PLCB1: variants seen among roughly 807,000 people sequenced by gnomAD.
PLCB1 encodes 1-phosphatidylinositol 4,5-bisphosphate phosphodiesterase beta-1.
A neutral mutation model predicts 161.8 loss-of-function variants in PLCB1; 46 were observed. That is an observed-to-expected ratio of 0.28 (90% CI 0.22 to 0.36). The LOEUF (loss-of-function observed/expected upper bound fraction) is 0.36, where lower values mean the gene tolerates loss of function less well. PLCB1 is among the 10% of genes least tolerant of loss of function. PLCB1 has a pLI of 1.00. For missense variants in PLCB1, 1,016 were observed against 1,472.5 expected, an observed-to-expected ratio of 0.69 and a Z score of 5.07; for synonymous variants, 517 against 503.7, an observed-to-expected ratio of 1.03 and a Z score of -0.35.
chr20:8,332,618 G>A (rs1985408963), intron 2 of PLCB1, among the ~76,000 whole-genome samples: 1 of 152,160 alleles, frequency 6.6e-6, no homozygotes, highest in African/African-American at 2.4e-5. Flanking sequence ...TGACTTGCCT[G>A]AGATTACACG....
Position 8,757,319 on chromosome 20 carries a change from G to A in PLCB1, c.2656+141G>A, listed in dbSNP as rs189275701. 21 of 776,674 alleles carry A rather than the reference G, an allele frequency of 2.7e-5. No homozygotes were observed. The Admixed American group carries it at 6.0e-4, about 22-fold the overall frequency. 48.1% of individuals were successfully genotyped at this position (776,674 alleles called of 1,614,324 possible). On this transcript the variant is annotated intron_variant, in intron 24 of 31. Coordinates refer to ENST00000338037, the MANE Select transcript of PLCB1 (RefSeq NM_015192.4). The stretch of plus-strand genomic sequence containing the variant: ...GACTTAGGAGGAGCTCCGTCAATGT[G>A]CAATTAATGAATGAAAGCCAGAAGA...
chr20:8,505,069 C>G (rs1041990049), intron 3 of PLCB1, among the ~76,000 whole-genome samples: 1 of 152,074 alleles, frequency 6.6e-6, no homozygotes, highest in South Asian at 2.1e-4. Context: ...GCTATGTTGT[C>G]CAGGATGGTC....
chr20:8,491,902 G>A (rs1394045560), intron 3 of PLCB1, among the ~76,000 whole-genome samples: 1 of 151,976 alleles, frequency 6.6e-6, no homozygotes, highest in Non-Finnish European at 1.5e-5. Flanking sequence ...TCTTAAAAAC[G>A]GTTGTTTTGT....
intron 9 of PLCB1, among the ~76,000 whole-genome samples, chr20:8,683,152 AAATTATATATAT>A (rs1388122688): frequency 6.6e-6 from 1 of 151,934 alleles, no homozygotes; most frequent in African/African-American, 2.4e-5. Context: ...AAAGGTTACT[AAATTATATATAT>A]AATTATATGT....
At chr20:8,501,193 G>A (rs989586271) in intron 3 of PLCB1, among the ~76,000 whole-genome samples, 5 of 152,086 alleles carry the variant, frequency 3.3e-5, no homozygotes, top group Non-Finnish European at 1.5e-5. Flanking sequence ...CCTTTTCCAC[G>A]ACAAGGACCA....
At chr20:8,698,827 G>T (rs2123430550) in intron 11 of PLCB1, among the ~76,000 whole-genome samples, 1 of 152,290 alleles carries the variant, frequency 6.6e-6, no homozygotes, top group South Asian at 2.1e-4. Context: ...AGCTGTTACT[G>T]ATAAAGATGC....
chr20:8,459,204 G>A (rs920110115), intron 3 of PLCB1, among the ~76,000 whole-genome samples: 2 of 152,138 alleles, frequency 1.3e-5, no homozygotes, highest in African/African-American at 4.8e-5. Flanking sequence ...CCGAGGAAAA[G>A]TTTTGGCTAA....
chr20:8,298,580 G>A (rs1983746892), intron 2 of PLCB1, among the ~76,000 whole-genome samples: 3 of 148,282 alleles, frequency 2.0e-5, no homozygotes, highest in South Asian at 4.2e-4. Context: ...ATTTAGAAGT[G>A]TGGAATTGGG....
intron 26 of PLCB1, among the ~76,000 whole-genome samples, chr20:8,770,025 T>G (rs1982587503): frequency 7.1e-6 from 1 of 140,656 alleles, no homozygotes; most frequent in South Asian, 2.4e-4. Flanking sequence ...CGATCTCGGC[T>G]CACTGCAAGC....
intron 3 of PLCB1, among the ~76,000 whole-genome samples, chr20:8,434,257 T>G (rs1980199136): frequency 6.6e-6 from 1 of 152,138 alleles, no homozygotes; most frequent in Non-Finnish European, 1.5e-5. Context: ...TTTTTTATTT[T>G]TCATTCCTAT....
chr20:8,712,871 AT>A (rs941497309), intron 12 of PLCB1, among the ~76,000 whole-genome samples: 13 of 152,026 alleles, frequency 8.6e-5, no homozygotes, highest in African/African-American at 2.2e-4. Context: ...TGCATTTGTG[AT>A]TTTTTTTCCC....
At chr20:8,374,500 T>G (rs1214933670) in intron 3 of PLCB1, among the ~76,000 whole-genome samples, 1 of 152,184 alleles carries the variant, frequency 6.6e-6, no homozygotes, top group Non-Finnish European at 1.5e-5. Context: ...CACACCACCC[T>G]TGGCAGCTCC....
At position 8,646,135 on chromosome 20, in the gene PLCB1, A is replaced by G. The variant is rs1464006262; in HGVS notation, c.418A>G (p.Asn140Asp). The G allele has an allele frequency of 6.2e-7, 1 of 1,613,752 alleles. No homozygotes were observed. The highest frequency in any genetic ancestry group is 1.3e-5 in the African/African-American group (1 of 74,924). The change falls in exon 5 of 32, where the codon AAC (asparagine) becomes GAC (aspartate). Residue 140 changes from asparagine (N) to aspartate (D), a missense_variant. Transcript: ENST00000338037. Reference sequence around the variant, plus strand: ...AAATGAGGTTTTCAGTTTGGCAACAAACCTGCTGGCCCAAAACATGTCCAG... The same window carrying G: ...AAATGAGGTTTTCAGTTTGGCAACAGACCTGCTGGCCCAAAACATGTCCAG... ...WTNEVFSLATNLLAQNMSRDA... is the reference protein window; with the variant it reads ...WTNEVFSLATDLLAQNMSRDA...
intron 3 of PLCB1, among the ~76,000 whole-genome samples, chr20:8,403,881 A>G (rs192312185): frequency 3.9e-4 from 59 of 152,202 alleles, no homozygotes; most frequent in Admixed American, 1.0e-3. Flanking sequence ...GTTTACTAGT[A>G]ACTCATTTGT....
intron 9 of PLCB1, among the ~76,000 whole-genome samples, chr20:8,684,404 C>T (rs1990307947): frequency 6.6e-6 from 1 of 151,884 alleles, no homozygotes; most frequent in Non-Finnish European, 1.5e-5. Context: ...TACAGGCGCC[C>T]ACCATGCCCG....
chr20:8,860,868 T>G (rs917173685), intron 31 of PLCB1, among the ~76,000 whole-genome samples: 1 of 152,240 alleles, frequency 6.6e-6, no homozygotes, highest in Non-Finnish European at 1.5e-5. Flanking sequence ...ATCAGTTTTT[T>G]GACTTTCAAC....
Position 8,248,511 on chromosome 20 carries a change from A to G in PLCB1, c.177+98140A>G, listed in dbSNP as rs147755303. ...TGGGAGCACAGACCCTGCAAAAGGG[A>G]CAGAGGTGGCAACTCTGGTGGCAGC... is the stretch of plus-strand genomic sequence containing the variant. On this transcript the variant is annotated intron_variant, in intron 2 of 31. Transcript: ENST00000338037. Among the ~76,000 whole-genome samples the G allele has an allele frequency of 6.6e-5, 10 of 152,054 alleles. No homozygotes were observed. In the East Asian group the frequency reaches 2.0e-3, roughly 30 times the overall value.
At chr20:8,296,416 G>A (rs1040008415) in intron 2 of PLCB1, among the ~76,000 whole-genome samples, 2 of 152,096 alleles carry the variant, frequency 1.3e-5, no homozygotes, top group African/African-American at 4.8e-5. Flanking sequence ...CCTGACAGTG[G>A]GGAACAAGGA....
At chr20:8,549,087 C>A (rs183864632) in intron 3 of PLCB1, among the ~76,000 whole-genome samples, 103 of 152,206 alleles carry the variant, frequency 6.8e-4, no homozygotes, top group Non-Finnish European at 1.1e-3. Context: ...ATAGGTGCAG[C>A]AAACCACCAT....
Sources: allele counts gnomAD v4.1 joint callset (sites outside exome capture counted in the v4.1 genomes callset), GRCh38; gene constraint gnomAD v4.1.1; transcripts MANE v1.5; gene names NCBI Gene and HGNC (gene_info 2026-07-23, HGNC 2026-07-21).